RGS22: variants seen among roughly 807,000 people sequenced by gnomAD.
The protein encoded by RGS22 is regulator of G protein signaling 22.
In RGS22, 148 loss-of-function variants were observed where a neutral mutation model predicts 172.9. The ratio of observed to expected loss-of-function variants is 0.86; its 90% CI spans 0.75 to 0.98. RGS22 has a LOEUF of 0.98. Among genes scored for constraint, RGS22 ranks in the 50% least tolerant of loss-of-function variants. The pLI, the probability that RGS22 is intolerant of heterozygous loss-of-function variation, is 0.00. For missense variants in RGS22, 1,347 were observed against 1,440.8 expected (o/e 0.93, Z 1.05); for synonymous variants, 458 against 480.2 (o/e 0.95, Z 0.60).
chr8:100,050,723 T>A (rs920143302), intron 10 of RGS22: 1 of 152,184 alleles, frequency 6.6e-6, no homozygotes, highest in African/African-American at 2.4e-5. Context: ...TCTATATAGT[T>A]AACTTTTCTT....
At chr8:100,097,063 T>C (rs1436497877) in intron 2 of RGS22, among the ~76,000 whole-genome samples, 1 of 152,070 alleles carries the variant, frequency 6.6e-6, no homozygotes, top group Non-Finnish European at 1.5e-5. Context: ...TTTAGAAATA[T>C]AAATATGAGG....
At chr8:100,090,317 T>C (rs1321976935) in intron 3 of RGS22, among the ~76,000 whole-genome samples, 2 of 152,128 alleles carry the variant, frequency 1.3e-5, no homozygotes, top group Non-Finnish European at 2.9e-5. Flanking sequence ...TACCAACAAT[T>C]ACATGGTGAG....
intron 9 of RGS22, 67 bp downstream of exon 9, chr8:100,062,523 CA>C: frequency 8.5e-6 from 9 of 1,064,432 alleles, no homozygotes; most frequent in Admixed American, 7.1e-5. Context: ...ATCCGTAAGA[CA>C]AAAAAAGTAT....
At chr8:100,036,435 C>T (rs1414900842) in intron 14 of RGS22, among the ~76,000 whole-genome samples, 2 of 152,170 alleles carry the variant, frequency 1.3e-5, no homozygotes, top group African/African-American at 4.8e-5. Context: ...ATATACCCTT[C>T]CCCATCTAGT....
chr8:100,055,056 AC>A (rs1026287029), intron 9 of RGS22, among the ~76,000 whole-genome samples: 6 of 152,184 alleles, frequency 3.9e-5, no homozygotes, highest in Non-Finnish European at 8.8e-5. Flanking sequence ...GCACCTCTGG[AC>A]CCACCTAGGG....
At chr8:100,052,656 GTTTTC>G (rs1400776415) in intron 10 of RGS22, 141 bp downstream of exon 10, 2 of 757,392 alleles carry the variant, frequency 2.6e-6, no homozygotes, top group East Asian at 5.4e-5. Flanking sequence ...CAGACTGTAG[GTTTTC>G]TTATTTCCTA....
chr8:100,093,813 A>G (rs1265439253), intron 2 of RGS22, among the ~76,000 whole-genome samples: 1 of 152,230 alleles, frequency 6.6e-6, no homozygotes, highest in Admixed American at 6.5e-5. Context: ...TGAAACATCA[A>G]CAAATACAAA....
Position 99,981,946 on chromosome 8 carries a change from T to C in RGS22, c.3351A>G (p.Arg1117=). The change falls in exon 22 of 28, where the codon AGA becomes AGG. Residue 1117 remains arginine, a synonymous_variant. Coordinates refer to ENST00000360863, the MANE Select transcript of RGS22 (RefSeq NM_015668.5). ...HRKELGPYVF[R]EAQMTIFGVL... ...TGCCCTGATCTCTTACCTGTGCCTC[T>C]CTAAATACATATGGTCCTAACTCCT... 1 of 1,611,400 alleles carries C rather than the reference T, an allele frequency of 6.2e-7. No individual in the cohort carries two copies. Among genetic ancestry groups the C allele is most frequent in the Non-Finnish European group, 8.5e-7 (1 of 1,178,932 alleles).
In RGS22 at chr8:100,074,015, T is replaced by A. The variant is rs866132574; in HGVS notation, c.340-1785A>T. Among the ~76,000 whole-genome samples, 4 of 152,100 alleles carry A rather than the reference T, an allele frequency of 2.6e-5. No homozygotes were observed. In the East Asian group the frequency reaches 7.7e-4, roughly 29 times the overall value. ...CATAAAATAACTTAATAAATACTTA[T>A]AAGAAACACAAAAAGAATCTATCTA... On this transcript the variant is annotated intron_variant, in intron 4 of 27. Transcript: ENST00000360863.
intron 6 of RGS22, among the ~76,000 whole-genome samples, chr8:100,068,945 AAAAAG>A (rs1416113249): frequency 1.1e-5 from 1 of 93,252 alleles, no homozygotes. Context: ...AAAAAAAAAA[AAAAAG>A]AAAGAAGAAA....
chr8:100,000,949 A>G (rs915229600), intron 18 of RGS22, among the ~76,000 whole-genome samples: 2 of 151,990 alleles, frequency 1.3e-5, no homozygotes, highest in African/African-American at 2.4e-5. Context: ...GTTTTTCTTT[A>G]ATTTACTGAA....
Position 99,981,857 on chromosome 8 carries a change from T to C in RGS22, c.3360+80A>G, listed in dbSNP as rs1400637058. 6 of 1,352,132 alleles carry C rather than the reference T, an allele frequency of 4.4e-6. No homozygotes were observed. In the East Asian group the frequency reaches 1.3e-4, roughly 29 times the overall value. The allele number at this position is 1,352,132 out of a possible 1,614,324, so 83.8% of individuals were successfully genotyped here. On this transcript the variant is annotated intron_variant, in intron 22 of 27. Transcript: ENST00000360863. ...GATTACAGGCGTGAGCCACCACGCC[T>C]GGCCCAAAAGGATATCTATCTTTAA... is the stretch of plus-strand genomic sequence containing the variant.
intron 2 of RGS22, among the ~76,000 whole-genome samples, chr8:100,103,786 G>A (rs1417384715): frequency 6.6e-6 from 1 of 152,184 alleles, no homozygotes; most frequent in Non-Finnish European, 1.5e-5. Context: ...AAGAGAACTC[G>A]GAGACAGTGA....
intron 23 of RGS22, 139 bp downstream of exon 23, chr8:99,977,778 T>C (rs1812134478): frequency 1.6e-6 from 1 of 638,546 alleles, no homozygotes; most frequent in Non-Finnish European, 2.5e-6. Flanking sequence ...CTGAAGCTTC[T>C]GACTGAAGGC....
chr8:100,064,128 G>A (rs1483690514), intron 7 of RGS22, 85 bp from the exon 8 acceptor site: 2 of 1,058,760 alleles, frequency 1.9e-6, no homozygotes, highest in Admixed American at 5.4e-5. Context: ...AGCCAGAATG[G>A]CAAATGGGTT....
At chr8:100,067,913 G>A (rs925219905) in intron 6 of RGS22, among the ~76,000 whole-genome samples, 5 of 152,020 alleles carry the variant, frequency 3.3e-5, no homozygotes, top group African/African-American at 4.8e-5. Context: ...GTGAGCCACC[G>A]CGCCCGGCCT....
At chr8:99,962,849 A>G (rs758470661) in intron 25 of RGS22, 36 bp downstream of exon 25, 33 of 1,579,240 alleles carry the variant, frequency 2.1e-5, no homozygotes, top group Non-Finnish European at 1.7e-5. Context: ...GATAAAAGAT[A>G]AAAAAGTAAA....
chr8:100,075,797 G>C (rs1811303073), intron 4 of RGS22, among the ~76,000 whole-genome samples: 1 of 152,198 alleles, frequency 6.6e-6, no homozygotes, highest in African/African-American at 2.4e-5. Flanking sequence ...CTTAAGAACT[G>C]CCTAATATTT....
At chr8:100,102,865 G>A (rs956270228) in intron 2 of RGS22, among the ~76,000 whole-genome samples, 8 of 152,204 alleles carry the variant, frequency 5.3e-5, no homozygotes, top group African/African-American at 1.4e-4. Flanking sequence ...TTATAGAAAA[G>A]GTTTTGAAGG....
Sources: allele counts gnomAD v4.1 joint callset (sites outside exome capture counted in the v4.1 genomes callset), GRCh38; gene constraint gnomAD v4.1.1; transcripts MANE v1.5; gene names NCBI Gene and HGNC (gene_info 2026-07-23, HGNC 2026-07-21).